LY9: variants seen among roughly 807,000 people sequenced by gnomAD.
LY9 encodes the protein T-lymphocyte surface antigen Ly-9.
In LY9, 59 loss-of-function variants were observed where a neutral mutation model predicts 64.6. The ratio of observed to expected loss-of-function variants is 0.91; its 90% confidence interval spans 0.74 to 1.13. The LOEUF (loss-of-function observed/expected upper bound fraction) is 1.13. Among genes scored for constraint, LY9 ranks in the 50% most tolerant of loss-of-function variants. The pLI is 0.00. For missense variants in LY9, 789 were observed against 797.2 expected (o/e 0.99, Z 0.12); for synonymous variants, 281 against 308.5 (o/e 0.91, Z 0.93).
intron 4 of LY9, 89 bp from the exon 5 acceptor site, chr1:160,816,505 C>A (rs1667955695): frequency 7.0e-7 from 1 of 1,420,540 alleles, no homozygotes; most frequent in Non-Finnish European, 9.5e-7. Context: ...CAACACTCAG[C>A]TTCATGAATA....
intron 2 of LY9, chr1:160,801,675 T>C: frequency 2.6e-6 from 2 of 758,498 alleles, no homozygotes; most frequent in Middle Eastern, 3.9e-4. Context: ...CTAGTATTTT[T>C]ATAGTTTCAG....
intron 7 of LY9, among the ~76,000 whole-genome samples, chr1:160,820,414 AAAATAAAT>A (rs1284862057): frequency 6.6e-6 from 1 of 152,166 alleles, no homozygotes; most frequent in Admixed American, 6.5e-5. Context: ...CCTGCTTTAA[AAAATAAAT>A]AAATAAATAA....
At chr1:160,802,813 C>A (rs1666628855) in intron 2 of LY9, 1 of 313,914 alleles carries the variant, frequency 3.2e-6, no homozygotes, top group Non-Finnish European at 4.6e-6. Context: ...TTTCTGTGTT[C>A]TCTATTCTGT....
chr1:160,827,966 C>T lies in LY9; in HGVS notation c.*150C>T. On this transcript the variant is annotated 3_prime_UTR_variant, in exon 10 of 10. Transcript: ENST00000263285. ...GGATGTGGCCCCTCCCCCTCCTTCTCACCCTTAAGGACTCCCAAACCCATT... is the reference window on the plus strand; with the variant it reads ...GGATGTGGCCCCTCCCCCTCCTTCTTACCCTTAAGGACTCCCAAACCCATT... The T allele has an allele frequency of 1.6e-6, 1 of 621,874 alleles. No individual in the cohort carries two copies. The highest frequency in any genetic ancestry group is 2.8e-5 in the East Asian group (1 of 36,252). 38.5% of individuals were successfully genotyped at this position (621,874 alleles called of 1,614,324 possible). A position where few individuals can be genotyped will look rare whatever the true frequency, so the allele number is the denominator to read the frequency against.
At chr1:160,819,478 C>T (rs1432118879) in intron 7 of LY9, 104 bp downstream of exon 7, 5 of 1,021,218 alleles carry the variant, frequency 4.9e-6, no homozygotes, top group South Asian at 2.5e-5. Context: ...GTGGGCATCA[C>T]CCAGGAAACT....
intron 2 of LY9, chr1:160,810,873 A>T (rs1275285520): frequency 6.6e-6 from 1 of 152,210 alleles, no homozygotes; most frequent in Non-Finnish European, 1.5e-5. Flanking sequence ...TCCAAAATTC[A>T]ATGGTGGAAC....
chr1:160,813,707 C>G lies in LY9; in HGVS notation c.526C>G (p.Leu176Val). 6.2e-7 allele frequency: 1 copy of G among 1,614,178 alleles called. No individual in the cohort carries two copies. The highest frequency in any genetic ancestry group is 1.1e-5 in the South Asian group (1 of 91,090). The change falls in exon 3 of 10, where the codon CTA becomes GTA. Residue 176 changes from leucine (L) to valine (V), a missense_variant. Transcript: ENST00000263285. ...TGAGAACTTCTCCTGTAACATCACT[C>G]TAATGTGCTCCGTGAAGGGGGCAGA... ...VSENFSCNIT[L>V]MCSVKGAEKS...
In LY9 at chr1:160,823,804, C is replaced by G; in HGVS notation, c.1830+8C>G. The G allele has an allele frequency of 6.3e-7, 1 of 1,597,362 alleles. No individual in the cohort carries two copies. Among genetic ancestry groups the G allele is most frequent in the South Asian group, 1.1e-5 (1 of 90,468 alleles). On this transcript the variant is annotated splice_region_variant and intron_variant, in intron 8 of 9. Transcript: ENST00000263285. ...CAAGTGTTCAACTTACAGGTGAGCC[C>G]TTCTGATCAATACACCTTCCTCCTC...
intron 2 of LY9, chr1:160,802,701 AAAATAAAT>A (rs58485948): frequency 1.4e-4 from 125 of 915,748 alleles, no homozygotes; most frequent in Admixed American, 3.1e-4. Context: ...TAAAAAAATA[AAAATAAAT>A]AAATAAATAA....
chr1:160,824,384 A>T (rs1257057403), intron 9 of LY9, 135 bp downstream of exon 9: 2 of 1,455,044 alleles, frequency 1.4e-6, no homozygotes. Flanking sequence ...CCTCAGATAC[A>T]TTCCATGGTC....
chr1:160,801,186 A>C (rs1666441878), intron 2 of LY9, among the ~76,000 whole-genome samples: 1 of 151,992 alleles, frequency 6.6e-6, no homozygotes, highest in African/African-American at 2.4e-5. Context: ...CCCCACCAAG[A>C]GTGTCTAAGA....
chr1:160,816,467 GC>G, intron 4 of LY9, 126 bp from the exon 5 acceptor site: 1 of 1,054,922 alleles, frequency 9.5e-7, no homozygotes, highest in Non-Finnish European at 1.3e-6. Flanking sequence ...AATTCCTGTG[GC>G]TCCTGGAGGC....
chr1:160,814,936 T>G (rs1667827377), intron 4 of LY9, 175 bp downstream of exon 4: 2 of 616,592 alleles, frequency 3.2e-6, no homozygotes, highest in South Asian at 4.0e-5. Context: ...AACTCATGAC[T>G]AGCTGCTGGA....
intron 7 of LY9, 46 bp downstream of exon 7, chr1:160,819,420 G>T (rs1179518964): frequency 2.0e-6 from 3 of 1,515,256 alleles, no homozygotes; most frequent in Non-Finnish European, 2.8e-6. Context: ...GGTCCAAATG[G>T]AAGTTCTAAA....
At chr1:160,823,971 C>T (rs948674265) in intron 8 of LY9, among the ~76,000 whole-genome samples, 175 bp downstream of exon 8, 6 of 152,262 alleles carry the variant, frequency 3.9e-5, no homozygotes, top group South Asian at 4.1e-4. Flanking sequence ...TCCTGTGGAA[C>T]GAGGGACTTG....
rs1391520825 is a variant in LY9 at position 160,823,535 on chromosome 1, G to T, written c.1569G>T (p.Arg523Ser). 6.2e-7 allele frequency: 1 copy of T among 1,614,054 alleles called. No homozygotes were observed. The highest frequency in any genetic ancestry group is 8.5e-7 in the Non-Finnish European group (1 of 1,180,038). Residue 523 changes from arginine (R) to serine (S), a missense_variant, in exon 8 of 10, where the codon AGG becomes AGT. Arg to Ser is a moderately radical substitution (Grantham distance 110). Coordinates refer to ENST00000263285, the MANE Select transcript of LY9 (RefSeq NM_002348.4). The stretch of plus-strand genomic sequence containing the variant: ...ATGAGAAGCTGGACACTCCCCTCAG[G>T]CCTGCCAGGCAACAGCCTACACCCA... ...QGYEKLDTPL[R>S]PARQQPTPTS...
rs1320309953 is a variant in LY9, at chr1:160,800,099, T to G, written c.454+17T>G. Reference sequence around the variant, plus strand: ...TCGTCTATGGTGAGTTCCAGAGAGCTTCTGTGTTTTGATCTTTTCTTTTTT... The same window carrying G: ...TCGTCTATGGTGAGTTCCAGAGAGCGTCTGTGTTTTGATCTTTTCTTTTTT... On this transcript the variant is annotated intron_variant, in intron 2 of 9. Coordinates refer to ENST00000263285, the MANE Select transcript of LY9 (RefSeq NM_002348.4). 1 of 1,575,174 alleles carries G rather than the reference T, an allele frequency of 6.3e-7. No homozygotes were observed. Among genetic ancestry groups the G allele is most frequent in the East Asian group, 2.2e-5 (1 of 44,626 alleles).
intron 1 of LY9, chr1:160,797,274 A>T (rs955842434): frequency 1.0e-6 from 1 of 985,464 alleles, no homozygotes; most frequent in Non-Finnish European, 1.2e-6. Flanking sequence ...ATGATGGTGC[A>T]GGTAGCACTA....
At chr1:160,799,311 C>A (rs933700544) in intron 1 of LY9, 1 of 162,422 alleles carries the variant, frequency 6.2e-6, no homozygotes, top group Non-Finnish European at 1.3e-5. Context: ...TCTAACCATC[C>A]CTCTACCCAC....
Sources: allele counts gnomAD v4.1 joint callset (sites outside exome capture counted in the v4.1 genomes callset), GRCh38; gene constraint gnomAD v4.1.1; transcripts MANE v1.5; gene names NCBI Gene and HGNC (gene_info 2026-07-23, HGNC 2026-07-21).